LRP1B: variants seen among roughly 807,000 people sequenced by gnomAD.
The protein encoded by LRP1B is LDL receptor related protein 1B, also known as low-density lipoprotein receptor-related protein 1B.
LRP1B carries 217 observed loss-of-function variants against 556.6 expected under a neutral mutation model. That is an observed-to-expected ratio of 0.39 (90% CI 0.35 to 0.44). The LOEUF is 0.44. Ranked by LOEUF, LRP1B falls within the 20% of genes least tolerant of loss-of-function variation. The pLI is 1.00. For synonymous variants in LRP1B, 2,047 were observed against 1,865.8 expected, an observed-to-expected ratio of 1.10 and a Z score of -2.50; for missense variants, 5,053 against 5,620.8, an observed-to-expected ratio of 0.90 and a Z score of 3.23.
intron 35 of LRP1B, among the ~76,000 whole-genome samples, chr2:140,763,859 T>G (rs1689011336): frequency 6.6e-6 from 1 of 152,156 alleles, no homozygotes; most frequent in African/African-American, 2.4e-5. Context: ...CTATACACAC[T>G]GTTCACATGA....
intron 80 of LRP1B, 142 bp from the exon 81 acceptor site, chr2:140,324,208 A>G: frequency 1.9e-6 from 1 of 522,152 alleles, no homozygotes; most frequent in Admixed American, 3.4e-5. Context: ...AATATTAGCT[A>G]TGAAGTTCTT....
chr2:140,252,450 C>A lies in LRP1B; in HGVS notation c.13248-5288G>T, dbSNP rs181735008. The stretch of plus-strand genomic sequence containing the variant: ...AGTAGGCATTATACACTGTATAAAA[C>A]GAGGACGCACATGTTCAAATAATCT... On this transcript the variant is annotated intron_variant, in intron 86 of 90. Transcript: ENST00000389484. 1.2e-3 allele frequency among the ~76,000 whole-genome samples: 184 copies of A among 151,966 alleles called. 1 individual carries two copies. The highest frequency in any genetic ancestry group is 1.1e-3 in the Non-Finnish European group (75 of 67,924).
intron 2 of LRP1B, among the ~76,000 whole-genome samples, chr2:141,675,062 A>G (rs960867868): frequency 2.0e-5 from 3 of 151,842 alleles, no homozygotes; most frequent in Non-Finnish European, 4.4e-5. Flanking sequence ...TTTTTCATGA[A>G]TTGTTGTTCT....
intron 6 of LRP1B, among the ~76,000 whole-genome samples, chr2:141,224,096 A>T (rs1683149472): frequency 6.6e-6 from 1 of 152,144 alleles, no homozygotes; most frequent in South Asian, 2.1e-4. Flanking sequence ...GCAAACAGAC[A>T]TCCTACAGAA....
chr2:140,607,632 TACACACAC>T (rs3061367), intron 41 of LRP1B, among the ~76,000 whole-genome samples: 20 of 142,992 alleles, frequency 1.4e-4, no homozygotes, highest in South Asian at 6.6e-4. Flanking sequence ...CCCCTCTCTT[TACACACAC>T]ACACACACAC....
chr2:141,228,396 G>GGT (rs372886894), intron 6 of LRP1B, among the ~76,000 whole-genome samples: 14 of 150,600 alleles, frequency 9.3e-5, no homozygotes, highest in Middle Eastern at 3.2e-3. Context: ...TGCATCTCTG[G>GGT]GTGTGTGTGT....
chr2:142,097,064 A>AAAAAC (rs1553516823), intron 1 of LRP1B, among the ~76,000 whole-genome samples: 307 of 150,074 alleles, frequency 2.0e-3, no homozygotes, highest in Admixed American at 4.1e-3. Context: ...TTGCAAAAAA[A>AAAAAC]AAACCCCGGT....
chr2:141,733,418 G>A (rs1002172198), intron 2 of LRP1B, among the ~76,000 whole-genome samples: 1 of 152,058 alleles, frequency 6.6e-6, no homozygotes, highest in Non-Finnish European at 1.5e-5. Context: ...CTCGGGTTTA[G>A]CATCTCTCAC....
intron 7 of LRP1B, among the ~76,000 whole-genome samples, chr2:141,067,766 G>A (rs1160828775): frequency 6.6e-6 from 1 of 151,986 alleles, no homozygotes; most frequent in African/African-American, 2.4e-5. Flanking sequence ...GAGTCACTAG[G>A]ACCCTTTCTC....
intron 7 of LRP1B, among the ~76,000 whole-genome samples, chr2:141,071,858 T>C (rs1353482826): frequency 6.6e-6 from 1 of 152,074 alleles, no homozygotes; most frequent in Admixed American, 6.6e-5. Context: ...TAAAAGAGTA[T>C]ACAAACAAAT....
chr2:141,252,018 C>A (rs1404761868), intron 4 of LRP1B, among the ~76,000 whole-genome samples: 1 of 151,932 alleles, frequency 6.6e-6, no homozygotes, highest in Non-Finnish European at 1.5e-5. Context: ...TCATCTCCAA[C>A]ACAAAAACAA....
chr2:140,704,358 A>G (rs551941774), intron 37 of LRP1B, among the ~76,000 whole-genome samples: 1 of 152,220 alleles, frequency 6.6e-6, no homozygotes, highest in South Asian at 2.1e-4. Flanking sequence ...GCTGTGTAAA[A>G]TAAACATTGT....
At chr2:140,773,978 T>C (rs909071724) in intron 33 of LRP1B, among the ~76,000 whole-genome samples, 1 of 152,070 alleles carries the variant, frequency 6.6e-6, no homozygotes, top group Admixed American at 6.5e-5. Flanking sequence ...GCCCCAAATC[T>C]CTAGTGGAGC....
intron 2 of LRP1B, among the ~76,000 whole-genome samples, chr2:141,497,353 T>C (rs1258748446): frequency 1.3e-5 from 2 of 152,062 alleles, no homozygotes; most frequent in Non-Finnish European, 2.9e-5. Context: ...TACCACTGCA[T>C]GTACTAACCA....
At chr2:141,685,401 G>A (rs1308863020) in intron 2 of LRP1B, among the ~76,000 whole-genome samples, 1 of 151,978 alleles carries the variant, frequency 6.6e-6, no homozygotes, top group Non-Finnish European at 1.5e-5. Flanking sequence ...TGCAAATGTT[G>A]GGATGGTTTT....
intron 18 of LRP1B, among the ~76,000 whole-genome samples, chr2:140,978,247 T>C (rs55829461): frequency 0.011 from 1,668 of 152,308 alleles, 34 homozygotes; most frequent in African/African-American, 0.038. Flanking sequence ...TAGATGCTAG[T>C]AAATTCCAGT....
At chr2:141,458,461 C>A (rs1681721081) in intron 3 of LRP1B, among the ~76,000 whole-genome samples, 1 of 152,080 alleles carries the variant, frequency 6.6e-6, no homozygotes, top group Non-Finnish European at 1.5e-5. Flanking sequence ...CTCTCTAGGG[C>A]GTGAAATGGA....
chr2:140,291,318 A>ATATATATTATTTT (rs369391920), intron 84 of LRP1B, among the ~76,000 whole-genome samples: 1 of 109,334 alleles, frequency 9.1e-6, no homozygotes, highest in East Asian at 2.7e-4. Context: ...ATATATATAT[A>ATATATATTATTTT]TTTTTATTAT....
At chr2:142,004,803 G>T (rs1437563856) in intron 1 of LRP1B, among the ~76,000 whole-genome samples, 1 of 151,882 alleles carries the variant, frequency 6.6e-6, no homozygotes, top group Non-Finnish European at 1.5e-5. Context: ...AGTGAGCCAT[G>T]ATCGTGCCAC....
Sources: allele counts gnomAD v4.1 joint callset (sites outside exome capture counted in the v4.1 genomes callset), GRCh38; gene constraint gnomAD v4.1.1; transcripts MANE v1.5; gene names NCBI Gene and HGNC (gene_info 2026-07-23, HGNC 2026-07-21).